The following PTCHD4 variants were observed in gnomAD, a reference collection of about 807,000 sequenced individuals.
PTCHD4 encodes the protein patched domain-containing protein 4.
A neutral mutation model predicts 58.1 loss-of-function variants in PTCHD4; 33 were observed. The observed-to-expected ratio is 0.57, with a 90% CI of 0.43 to 0.76. The LOEUF (loss-of-function observed/expected upper bound fraction) is 0.76. PTCHD4 is among the 30% of genes least tolerant of loss of function. The probability of loss-of-function intolerance (pLI) is 0.00; values close to 1 mark genes in which losing one functional copy is unlikely to be tolerated. For synonymous variants in PTCHD4, 478 were observed against 409.6 expected, an observed-to-expected ratio of 1.17 and a Z score of -2.02; for missense variants, 1,058 against 1,027.1, an observed-to-expected ratio of 1.03 and a Z score of -0.41.
chr6:47,962,135 C>T (rs1767123285), intron 4 of PTCHD4, among the ~76,000 whole-genome samples: 1 of 152,134 alleles, frequency 6.6e-6, no homozygotes, highest in African/African-American at 2.4e-5. Context: ...TGAAAAACTT[C>T]ATGTCAATAA....
chr6:47,914,288 G>C (rs1284084907), intron 4 of PTCHD4, among the ~76,000 whole-genome samples: 1 of 152,054 alleles, frequency 6.6e-6, no homozygotes, highest in Non-Finnish European at 1.5e-5. Flanking sequence ...GCAGGAGTTT[G>C]GTTAAATGTT....
chr6:48,081,760 G>A (rs1267605835), intron 1 of PTCHD4, among the ~76,000 whole-genome samples: 1 of 152,116 alleles, frequency 6.6e-6, no homozygotes, highest in Non-Finnish European at 1.5e-5. Context: ...GCATTAAGAA[G>A]GATATAGTTG....
intron 1 of PTCHD4, among the ~76,000 whole-genome samples, chr6:48,107,556 T>C (rs1274590658): frequency 2.0e-5 from 3 of 151,914 alleles, no homozygotes; most frequent in East Asian, 3.9e-4. Flanking sequence ...ACTTCATGTC[T>C]AAAACACCAA....
chr6:47,946,132 G>C (rs937383917), intron 4 of PTCHD4, among the ~76,000 whole-genome samples: 29 of 152,020 alleles, frequency 1.9e-4, no homozygotes, highest in Admixed American at 9.8e-4. Context: ...CCAGATCATA[G>C]TCAATTTCCA....
At chr6:48,032,796 A>T (rs1265382949) in intron 3 of PTCHD4, among the ~76,000 whole-genome samples, 1 of 152,144 alleles carries the variant, frequency 6.6e-6, no homozygotes, top group Non-Finnish European at 1.5e-5. Context: ...AAACTGAAAT[A>T]AATCTCTTTC....
At chr6:48,029,305 AACTCTGACATAT>A (rs1406973073) in intron 3 of PTCHD4, among the ~76,000 whole-genome samples, 2 of 152,078 alleles carry the variant, frequency 1.3e-5, no homozygotes, top group East Asian at 3.9e-4. Context: ...ATTTATAAAA[AACTCTGACATAT>A]ACAGTACTAT....
intron 4 of PTCHD4, among the ~76,000 whole-genome samples, chr6:47,952,883 G>A (rs966889042): frequency 6.6e-6 from 1 of 151,754 alleles, no homozygotes; most frequent in East Asian, 1.9e-4. Context: ...ACATATGACT[G>A]TATATAGTAT....
At chr6:48,071,868 T>G (rs1764980933) in intron 1 of PTCHD4, among the ~76,000 whole-genome samples, 1 of 152,184 alleles carries the variant, frequency 6.6e-6, no homozygotes, top group Non-Finnish European at 1.5e-5. Flanking sequence ...GGTCAGATAT[T>G]TGGTGGAATA....
At chr6:48,037,772 T>G (rs1424206075) in intron 3 of PTCHD4, among the ~76,000 whole-genome samples, 1 of 152,094 alleles carries the variant, frequency 6.6e-6, no homozygotes, top group Admixed American at 6.6e-5. Context: ...CACAGTATTC[T>G]CCAATGAGCT....
rs185550989 is a variant in PTCHD4, at chr6:47,930,472, A to T, written c.899-50536T>A. On this transcript the variant is annotated intron_variant, in intron 4 of 4. Transcript: ENST00000339488. ...AGCAAAACCTTAGCTATGTGTGTCT[A>T]CAAGATCACTATATTTCTATGTATT... Among the ~76,000 whole-genome samples, 283 of 152,366 alleles carry T rather than the reference A, an allele frequency of 1.9e-3. 3 individuals are homozygous for T. The highest frequency in any genetic ancestry group is 8.1e-4 in the Non-Finnish European group (55 of 68,038).
chr6:47,945,342 T>C (rs1053117533), intron 4 of PTCHD4, among the ~76,000 whole-genome samples: 21 of 152,264 alleles, frequency 1.4e-4, no homozygotes, highest in Admixed American at 1.0e-3. Flanking sequence ...ATAACATACT[T>C]GTTTATTTTA....
In PTCHD4 at chr6:47,878,920, C is replaced by T. The variant is rs147085134; in HGVS notation, c.1915G>A (p.Val639Met). The T allele has an allele frequency of 6.2e-7, 1 of 1,613,356 alleles. No homozygotes were observed. Among genetic ancestry groups the T allele is most frequent in the Admixed American group, 1.7e-5 (1 of 59,984 alleles). Residue 639 changes from valine (V) to methionine (M), a missense_variant, in exon 5 of 5, where the codon GTG (valine) becomes ATG (methionine). Val to Met is a conservative substitution (Grantham distance 21). Transcript: ENST00000339488. ...LSLSKSIRFI[V>M]FNPSFVFMDH... Reference sequence around the variant, plus strand: ...ATGAAGACAAAGGAGGGGTTGAACACGATGAATCGGATGCTCTTTGAGAGG... The same window carrying T: ...ATGAAGACAAAGGAGGGGTTGAACATGATGAATCGGATGCTCTTTGAGAGG...
intron 4 of PTCHD4, among the ~76,000 whole-genome samples, chr6:47,910,216 T>C (rs184734188): frequency 2.0e-5 from 3 of 152,282 alleles, no homozygotes; most frequent in Admixed American, 2.0e-4. Context: ...TTATTCACTT[T>C]ATGATATGAT....
intron 4 of PTCHD4, among the ~76,000 whole-genome samples, chr6:47,896,529 T>C (rs750168340): frequency 2.6e-5 from 4 of 152,244 alleles, no homozygotes; most frequent in Non-Finnish European, 5.9e-5. Context: ...AATGTATACA[T>C]GAAAATTATT....
chr6:47,887,584 T>G (rs1764231915), intron 4 of PTCHD4, among the ~76,000 whole-genome samples: 1 of 152,226 alleles, frequency 6.6e-6, no homozygotes, highest in Non-Finnish European at 1.5e-5. Flanking sequence ...TTCAGGATTA[T>G]GGATATCTAA....
At position 48,066,967 on chromosome 6, in the gene PTCHD4, A is replaced by G. The variant is rs548709318; in HGVS notation, c.417+1263T>C. On this transcript the variant is annotated intron_variant, in intron 3 of 4. Coordinates refer to ENST00000339488, the MANE Select transcript of PTCHD4 (RefSeq NM_001384253.1). ...GACTATATCAAATTAGTGATTTCCTATATTAGGTCATTCATTTATTGAAAC... is the reference window on the plus strand; with the variant it reads ...GACTATATCAAATTAGTGATTTCCTGTATTAGGTCATTCATTTATTGAAAC... Among the ~76,000 whole-genome samples, 139 of 151,692 alleles carry G rather than the reference A, an allele frequency of 9.2e-4. 2 individuals carry two copies. The highest frequency in any genetic ancestry group is 1.7e-3 in the Non-Finnish European group (118 of 67,970).
At position 47,857,505 on chromosome 6, in the gene PTCHD4, A is replaced by G. The variant is rs1763332544; in HGVS notation, c.*20798T>C. ...CCTTGGGTTCAAACAATAAATGAGG[A>G]GTCTGGGTAGTACATGAAGTAGTCA... is the stretch of plus-strand genomic sequence containing the variant. On this transcript the variant is annotated 3_prime_UTR_variant, in exon 5 of 5. Transcript: ENST00000339488. Among the ~76,000 whole-genome samples, 1 of 151,982 alleles carries G rather than the reference A, an allele frequency of 6.6e-6. No individual in the cohort carries two copies. Among genetic ancestry groups the G allele is most frequent in the Non-Finnish European group, 1.5e-5 (1 of 67,978 alleles).
At chr6:47,974,344 A>C (rs576840501) in intron 4 of PTCHD4, among the ~76,000 whole-genome samples, 1 of 152,186 alleles carries the variant, frequency 6.6e-6, no homozygotes, top group Admixed American at 6.5e-5. Context: ...TACGGAGCCA[A>C]ATACATTCAT....
At chr6:47,886,104 C>A (rs1764184215) in intron 4 of PTCHD4, among the ~76,000 whole-genome samples, 2 of 146,536 alleles carry the variant, frequency 1.4e-5, no homozygotes, top group African/African-American at 5.0e-5. Flanking sequence ...AGGCGCGAGC[C>A]ACGGCGATGG....
Sources: gnomAD v4.1 joint callset for allele counts (sites outside exome capture counted in the v4.1 genomes callset) on GRCh38, gnomAD v4.1.1 for gene constraint, MANE v1.5 for transcripts, NCBI Gene and HGNC (gene_info 2026-07-23, HGNC 2026-07-21) for gene names.